Variants in KATNAL2 observed in about 807,000 individuals in gnomAD.
KATNAL2 encodes the protein katanin p60 ATPase-containing subunit A-like 2.
In KATNAL2, 52 loss-of-function variants were observed where a neutral mutation model predicts 76.3. The ratio of observed to expected loss-of-function variants is 0.68; its 90% CI spans 0.55 to 0.86. KATNAL2 has a LOEUF of 0.86. Ranked by LOEUF, KATNAL2 falls within the 40% of genes least tolerant of loss-of-function variation. The probability of loss-of-function intolerance (pLI) is 0.00; values close to 1 mark genes in which losing one functional copy is unlikely to be tolerated. For synonymous variants in KATNAL2, 243 were observed against 244.2 expected, an observed-to-expected ratio of 1.00 and a Z score of 0.05; for missense variants, 660 against 668.9, an observed-to-expected ratio of 0.99 and a Z score of 0.15.
chr18:47,047,296 A>C (rs72921349), intron 4 of KATNAL2, among the ~76,000 whole-genome samples: 1 of 152,208 alleles, frequency 6.6e-6, no homozygotes, highest in Non-Finnish European at 1.5e-5. Context: ...CAACAGACCT[A>C]TCCAGTACAT....
chr18:46,943,886 T>C (rs183365881), intron 1 of KATNAL2, among the ~76,000 whole-genome samples: 1 of 152,260 alleles, frequency 6.6e-6, no homozygotes, highest in Non-Finnish European at 1.5e-5. Context: ...TTGTTCCTTC[T>C]TCCTGTACTA....
intron 3 of KATNAL2, among the ~76,000 whole-genome samples, chr18:46,958,358 T>C (rs896914039): frequency 6.6e-6 from 1 of 152,128 alleles, no homozygotes; most frequent in Non-Finnish European, 1.5e-5. Context: ...ATCCTTATAA[T>C]TATAAATTCC....
chr18:47,055,820 C>T (rs2061456741), intron 6 of KATNAL2, among the ~76,000 whole-genome samples: 1 of 152,186 alleles, frequency 6.6e-6, no homozygotes, highest in African/African-American at 2.4e-5. Context: ...GTGCTTTGTT[C>T]CCCTTAGGCA....
chr18:46,952,075 A>G (rs1203595983), intron 3 of KATNAL2, among the ~76,000 whole-genome samples: 2 of 150,938 alleles, frequency 1.3e-5, no homozygotes, highest in African/African-American at 4.9e-5. Context: ...GCTAGGCCCC[A>G]GTTTCTTTCT....
chr18:47,068,166 A>C (rs1274940993), intron 11 of KATNAL2, among the ~76,000 whole-genome samples: 1 of 152,236 alleles, frequency 6.6e-6, no homozygotes, highest in Non-Finnish European at 1.5e-5. Flanking sequence ...CCAGATTCAA[A>C]TGTTGGAGAA....
chr18:46,960,253 C>T (rs2059895573), intron 3 of KATNAL2, among the ~76,000 whole-genome samples: 2 of 152,018 alleles, frequency 1.3e-5, no homozygotes. Flanking sequence ...ATCTCACCAA[C>T]ATGGTGAAAC....
chr18:47,076,300 T>G (rs948935254), intron 14 of KATNAL2: 1 of 152,228 alleles, frequency 6.6e-6, no homozygotes, highest in Non-Finnish European at 1.5e-5. Context: ...GGGATTCATG[T>G]AATTGATTGA....
chr18:47,034,177 G>T, intron 3 of KATNAL2: 1 of 1,614,158 alleles, frequency 6.2e-7, no homozygotes, highest in South Asian at 1.1e-5. Context: ...CTCAGAGAGG[G>T]AGCTCACGGA....
chr18:46,946,950 T>C, intron 3 of KATNAL2, 27 bp downstream of exon 3: 1 of 1,398,624 alleles, frequency 7.1e-7, no homozygotes, highest in Non-Finnish European at 9.8e-7. Context: ...TAAAACATGA[T>C]TATACCAAGA....
intron 3 of KATNAL2, among the ~76,000 whole-genome samples, chr18:46,953,422 T>C (rs1272976700): frequency 6.6e-6 from 1 of 152,128 alleles, no homozygotes; most frequent in Non-Finnish European, 1.5e-5. Context: ...GGCGGAGCGC[T>C]TGAGGCCAGA....
intron 15 of KATNAL2, among the ~76,000 whole-genome samples, chr18:47,096,730 G>A (rs1230010096): frequency 1.3e-5 from 2 of 152,152 alleles, no homozygotes; most frequent in Non-Finnish European, 2.9e-5. Flanking sequence ...ATGATCTATT[G>A]ATAATAGGAA....
Position 47,069,375 on chromosome 18 carries a change from C to T in KATNAL2, c.889+92C>T, listed in dbSNP as rs145741169. 2.6e-3 allele frequency: 3,493 copies of T among 1,359,682 alleles called. 8 individuals are homozygous for T. The highest frequency in any genetic ancestry group is 3.0e-3 in the Non-Finnish European group (2,871 of 964,534). The allele number at this position is 1,359,682 out of a possible 1,614,324, so 84.2% of individuals were successfully genotyped here. On this transcript the variant is annotated intron_variant, in intron 12 of 17. Coordinates refer to ENST00000683218, the MANE Select transcript of KATNAL2 (RefSeq NM_001387690.1). ...GTCCTCACTTCAGGACTGGGGCACA[C>T]GAGAGCTGAGCAGTCACTTCCTTCC...
rs141796051 is a variant in KATNAL2 at position 46,922,135 on chromosome 18, C to G, written c.-510+4209C>G. On this transcript the variant is annotated intron_variant, in intron 1 of 17. Coordinates refer to ENST00000683218, the MANE Select transcript of KATNAL2 (RefSeq NM_001387690.1). Reference sequence around the variant, plus strand: ...TTTTTTTTTGAGACAGGGTCTCACTCTGTCGCCCAGGCTAGAGTGCAGTGG... The same window carrying G: ...TTTTTTTTTGAGACAGGGTCTCACTGTGTCGCCCAGGCTAGAGTGCAGTGG... Among the ~76,000 whole-genome samples the G allele has an allele frequency of 5.2e-3, 764 of 147,776 alleles. 8 individuals are homozygous for G. Among genetic ancestry groups the G allele is most frequent in the African/African-American group, 0.018 (733 of 39,840 alleles).
At chr18:47,050,292 C>G (rs916712803) in intron 4 of KATNAL2, among the ~76,000 whole-genome samples, 6 of 152,134 alleles carry the variant, frequency 3.9e-5, no homozygotes, top group Admixed American at 3.3e-4. Flanking sequence ...ACTCACCATG[C>G]CAGGTCCCAG....
In KATNAL2 at chr18:47,069,466, A is replaced by G. The variant is rs766443919; in HGVS notation, c.890-16A>G. ...GAGTTGAAATGCCTGCTCATCTTTT[A>G]TGTGTTTCTCTTTAGGTACAGGAAA... On this transcript the variant is annotated splice_polypyrimidine_tract_variant and intron_variant, in intron 12 of 17. Transcript: ENST00000683218. 2.5e-6 allele frequency: 4 copies of G among 1,575,244 alleles called. No individual in the cohort carries two copies. Among genetic ancestry groups the G allele is most frequent in the East Asian group, 4.5e-5 (2 of 44,520 alleles).
At position 46,928,433 on chromosome 18, in the gene KATNAL2, G is replaced by A. The variant is rs577958079; in HGVS notation, c.-510+10507G>A. On this transcript the variant is annotated intron_variant, in intron 1 of 17. Transcript: ENST00000683218. ...GAACTGCAGATGCTGCTGCCTGATC[G>A]TTCCTCTGGAAGTTTTGTTTCAGAA... Among the ~76,000 whole-genome samples the A allele has an allele frequency of 2.2e-4, 33 of 152,290 alleles. No homozygotes were observed. In the South Asian group the frequency reaches 3.7e-3, roughly 17 times the overall value.
intron 3 of KATNAL2, chr18:47,035,449 C>T (rs1157677159): frequency 3.8e-5 from 51 of 1,325,216 alleles, no homozygotes; most frequent in Middle Eastern, 5.4e-4. Context: ...TCTGGAACGG[C>T]CGTCCTTGCA....
intron 1 of KATNAL2, among the ~76,000 whole-genome samples, chr18:46,922,473 T>TA (rs1001619018): frequency 4.7e-4 from 69 of 146,112 alleles, no homozygotes; most frequent in Middle Eastern, 3.5e-3. Context: ...ACTAGCCTTT[T>TA]AAAAAAAAAA....
intron 1 of KATNAL2, among the ~76,000 whole-genome samples, chr18:46,938,702 CCCT>C (rs2059160221): frequency 6.6e-6 from 1 of 152,086 alleles, no homozygotes; most frequent in Non-Finnish European, 1.5e-5. Context: ...GATCTCACCA[CCCT>C]CCTATTCAAA....
Sources: gnomAD v4.1 joint callset for allele counts (sites outside exome capture counted in the v4.1 genomes callset) on GRCh38, gnomAD v4.1.1 for gene constraint, MANE v1.5 for transcripts, NCBI Gene and HGNC (gene_info 2026-07-23, HGNC 2026-07-21) for gene names.